Variants in EGFR observed in about 807,000 individuals in gnomAD.
The protein encoded by EGFR is epidermal growth factor receptor, also known as avian erythroblastic leukemia viral (v-erb-b) oncogene homolog.
A neutral mutation model predicts 143.0 loss-of-function variants in EGFR; 58 were observed. The observed-to-expected ratio is 0.41, with a 90% CI of 0.33 to 0.50. The LOEUF is 0.50. EGFR is among the 20% of genes least tolerant of loss of function. EGFR has a pLI of 0.39. For missense variants in EGFR, 1,307 were observed against 1,579.0 expected, an observed-to-expected ratio of 0.83 and a Z score of 2.92; for synonymous variants, 613 against 594.4, an observed-to-expected ratio of 1.03 and a Z score of -0.45.
chr7:55,164,225 A>T (rs1785853744), intron 14 of EGFR, among the ~76,000 whole-genome samples: 1 of 152,184 alleles, frequency 6.6e-6, no homozygotes, highest in Non-Finnish European at 1.5e-5. Context: ...AACTTTTTAA[A>T]CTGCACAACT....
chr7:55,182,530 C>T (rs1357375868), intron 20 of EGFR: 1 of 152,258 alleles, frequency 6.6e-6, no homozygotes, highest in Non-Finnish European at 1.5e-5. Flanking sequence ...AGCATCTGCC[C>T]TTGACACCAC....
At chr7:55,171,926 C>T (rs529983150) in intron 16 of EGFR, among the ~76,000 whole-genome samples, 1 of 152,294 alleles carries the variant, frequency 6.6e-6, no homozygotes, top group Non-Finnish European at 1.5e-5. Flanking sequence ...CTCACCACTG[C>T]CCTTCCTTCA....
At chr7:55,186,343 T>C (rs2075107) in intron 20 of EGFR, among the ~76,000 whole-genome samples, 88,101 of 152,042 alleles carry the variant, frequency 0.58, 26,215 homozygotes, top group Middle Eastern at 0.69. Flanking sequence ...TCATCCAGGT[T>C]TGCTCCCTCC....
At chr7:55,178,012 A>T (rs372758045) in intron 19 of EGFR, among the ~76,000 whole-genome samples, 11 of 152,210 alleles carry the variant, frequency 7.2e-5, no homozygotes, top group African/African-American at 2.4e-4. Context: ...TGTTAGTAGG[A>T]TGGGGCCTGG....
At chr7:55,043,313 C>A (rs1444735232) in intron 1 of EGFR, among the ~76,000 whole-genome samples, 1 of 152,148 alleles carries the variant, frequency 6.6e-6, no homozygotes, top group African/African-American at 2.4e-5. Flanking sequence ...CACACTGGGG[C>A]ATCTAGTGAG....
chr7:55,160,999 T>C (rs546442754), intron 12 of EGFR, among the ~76,000 whole-genome samples: 3 of 152,314 alleles, frequency 2.0e-5, no homozygotes, highest in South Asian at 4.1e-4. Context: ...AATGGCCCAA[T>C]GGCTCCTATC....
chr7:55,103,939 T>A (rs541952719), intron 1 of EGFR, among the ~76,000 whole-genome samples: 5 of 152,218 alleles, frequency 3.3e-5, no homozygotes, highest in Non-Finnish European at 5.9e-5. Context: ...TTTCTAAAAA[T>A]TCATTACTTG....
At chr7:55,202,751 T>C (rs1324283393) in intron 27 of EGFR, 126 bp downstream of exon 27, 30 of 855,536 alleles carry the variant, frequency 3.5e-5, no homozygotes, top group Non-Finnish European at 5.7e-5. Flanking sequence ...AGTGGCAGAT[T>C]TGCAGACACA....
In EGFR at chr7:55,157,672, T is replaced by C. The variant is rs1230904747; in HGVS notation, c.1217T>C (p.Leu406Pro). 1 of 1,614,234 alleles carries C rather than the reference T, an allele frequency of 6.2e-7. No individual in the cohort carries two copies. The highest frequency in any genetic ancestry group is 8.5e-7 in the Non-Finnish European group (1 of 1,180,030). The change falls in exon 11 of 28, where the codon CTG (leucine) becomes CCG (proline). Residue 406 changes from leucine (L) to proline (P), a missense_variant. Physicochemically the swap from Leu to Pro is moderately conservative, Grantham distance 98. Around this residue, in one of 7 missense-constraint regions of EGFR, gnomAD observed 250 missense variants for 295.1 expected, o/e 0.85. Coordinates refer to ENST00000275493, the MANE Select transcript of EGFR (RefSeq NM_005228.5). Reference protein sequence around the residue: ...KTVKEITGFLLIQAWPENRTD... With the variant: ...KTVKEITGFLPIQAWPENRTD... The stretch of plus-strand genomic sequence containing the variant: ...TTCATCTGCCTTACAGGGTTTTTGC[T>C]GATTCAGGCTTGGCCTGAAAACAGG...
At chr7:55,101,515 C>T (rs1325314685) in intron 1 of EGFR, among the ~76,000 whole-genome samples, 8 of 152,184 alleles carry the variant, frequency 5.3e-5, no homozygotes, top group Admixed American at 3.9e-4. Flanking sequence ...TCCATGAAAT[C>T]CTATCAGCCA....
chr7:55,161,645 TCTTTA>T lies in EGFR; in HGVS notation c.1631+15_1631+19del. On this transcript the variant is annotated intron_variant, in intron 13 of 27. Transcript: ENST00000275493. ...CCTTCTGGAGGGGTAGGAGGTTATT[TCTTTA>T]ATCCCCTTGCGTTGATCAAAAATAA... 6 of 1,614,258 alleles carry T rather than the reference TCTTTA, an allele frequency of 3.7e-6. No individual in the cohort carries two copies. The highest frequency in any genetic ancestry group is 5.1e-6 in the Non-Finnish European group (6 of 1,180,044).
At chr7:55,088,573 TAATAATTCATTACAATACA>T (rs1328321853) in intron 1 of EGFR, among the ~76,000 whole-genome samples, 1 of 152,206 alleles carries the variant, frequency 6.6e-6, no homozygotes, top group African/African-American at 2.4e-5. Flanking sequence ...TGTGTTAAGG[TAATAATTCATTACAATACA>T]AATTACAGGG....
At chr7:55,165,531 G>C in intron 15 of EGFR, 94 bp downstream of exon 15, 2 of 1,497,210 alleles carry the variant, frequency 1.3e-6, no homozygotes, top group Non-Finnish European at 1.8e-6. Context: ...AAATTGCCGA[G>C]GTTTGTATTT....
At chr7:55,139,439 G>A (rs1794333385) in intron 1 of EGFR, among the ~76,000 whole-genome samples, 1 of 152,094 alleles carries the variant, frequency 6.6e-6, no homozygotes, top group African/African-American at 2.4e-5. Context: ...ATCATACCTT[G>A]TTTTAATTAG....
At chr7:55,134,967 G>T (rs1013635341) in intron 1 of EGFR, among the ~76,000 whole-genome samples, 9 of 152,130 alleles carry the variant, frequency 5.9e-5, no homozygotes, top group African/African-American at 1.9e-4. Flanking sequence ...GAGATAACTG[G>T]CTAGAGATCA....
At chr7:55,100,345 G>A (rs1791736007) in intron 1 of EGFR, among the ~76,000 whole-genome samples, 1 of 152,190 alleles carries the variant, frequency 6.6e-6, no homozygotes, top group African/African-American at 2.4e-5. Context: ...TCACAGCTGT[G>A]GCTTGCACAC....
chr7:55,144,869 C>CA (rs2128928450), intron 3 of EGFR, among the ~76,000 whole-genome samples: 1 of 152,296 alleles, frequency 6.6e-6, no homozygotes, highest in Admixed American at 6.5e-5. Context: ...TCTGTTTCGT[C>CA]ATCTTCAAAA....
chr7:55,124,061 T>C (rs1237999493), intron 1 of EGFR, among the ~76,000 whole-genome samples: 2 of 152,218 alleles, frequency 1.3e-5, no homozygotes, highest in African/African-American at 4.8e-5. Flanking sequence ...CGTGTAGTTC[T>C]AGAGTCTAGT....
intron 1 of EGFR, among the ~76,000 whole-genome samples, chr7:55,056,380 A>G (rs1212465732): frequency 2.6e-5 from 4 of 152,232 alleles, no homozygotes. Flanking sequence ...TTTTCAAAAT[A>G]GTATTATGTC....
Sources: gnomAD v4.1 joint callset for allele counts (sites outside exome capture counted in the v4.1 genomes callset) on GRCh38, gnomAD v4.1.1 for gene constraint, gnomAD v4.1.1 regional missense constraint, MANE v1.5 for transcripts, NCBI Gene and HGNC (gene_info 2026-07-23, HGNC 2026-07-21) for gene names.